ADPRHL1: variants seen among roughly 807,000 people sequenced by gnomAD.
ADPRHL1 encodes the protein inactive ADP-ribosyltransferase ARH2.
In ADPRHL1, 43 loss-of-function variants were observed where a neutral mutation model predicts 44.1. The observed-to-expected ratio is 0.98, with a 90% CI of 0.76 to 1.26. The LOEUF (loss-of-function observed/expected upper bound fraction) is 1.26, where lower values mean the gene tolerates loss of function less well. Among genes scored for constraint, ADPRHL1 ranks in the 50% most tolerant of loss-of-function variants. The probability of loss-of-function intolerance (pLI) is 0.00; values close to 1 mark genes in which losing one functional copy is unlikely to be tolerated. For synonymous variants in ADPRHL1, 878 were observed against 1,017.4 expected (o/e 0.86, Z 2.61); for missense variants, 2,022 against 2,496.9 (o/e 0.81, Z 4.05).
chr13:113,415,708 GCCACTTCACTCC>G (rs2043883728), intron 7 of ADPRHL1, among the ~76,000 whole-genome samples: 1 of 129,326 alleles, frequency 7.7e-6, no homozygotes, highest in Non-Finnish European at 1.6e-5. Flanking sequence ...CTGAGATCGT[GCCACTTCACTCC>G]AGCCTGGGTG....
In ADPRHL1 at chr13:113,405,254, G is replaced by T. The variant is rs1231671611; in HGVS notation, c.4028C>A (p.Pro1343His). 25 of 1,231,764 alleles carry T rather than the reference G, an allele frequency of 2.0e-5. No individual in the cohort carries two copies. Among genetic ancestry groups the T allele is most frequent in the Non-Finnish European group, 2.5e-5 (25 of 988,108 alleles). 76.3% of individuals were successfully genotyped at this position (1,231,764 alleles called of 1,614,324 possible). The change falls in exon 8 of 8, where the codon CCC (proline) becomes CAC (histidine). Residue 1343 changes from proline (P) to histidine (H), a missense_variant. Coordinates refer to ENST00000612156, the MANE Select transcript of ADPRHL1 (RefSeq NM_001394807.1). The stretch of plus-strand genomic sequence containing the variant: ...TGCCTGTGTGTCACCAGCAGTAGGG[G>T]GCAGGTGTGCCTGTAGATGGGGAGG... ...RGPPHLQAHL[P>H]PTAGDTQAKL...
At chr13:113,422,013 C>G (rs1194601026) in intron 7 of ADPRHL1, 1 of 152,240 alleles carries the variant, frequency 6.6e-6, no homozygotes, top group Non-Finnish European at 1.5e-5. Context: ...TTATTTTAAA[C>G]AAGAGCAAGT....
intron 6 of ADPRHL1, among the ~76,000 whole-genome samples, chr13:113,423,644 G>A (rs1021379453): frequency 6.6e-6 from 1 of 152,224 alleles, no homozygotes; most frequent in African/African-American, 2.4e-5. Context: ...ACGGGTAGGA[G>A]CTGCCTGGAG....
At chr13:113,430,890 C>T (rs902948528) in intron 3 of ADPRHL1, among the ~76,000 whole-genome samples, 6 of 152,198 alleles carry the variant, frequency 3.9e-5, no homozygotes, top group African/African-American at 4.8e-5. Flanking sequence ...CAGTGACCCC[C>T]GTTGCCGAGC....
rs138187367 is a variant in ADPRHL1, at chr13:113,424,462, C to A, written c.775-113G>T. 5 of 1,442,046 alleles carry A rather than the reference C, an allele frequency of 3.5e-6. No homozygotes were observed. In the African/African-American group the frequency reaches 4.2e-5, roughly 12 times the overall value. 89.3% of individuals were successfully genotyped at this position (1,442,046 alleles called of 1,614,324 possible). A position where few individuals can be genotyped will look rare whatever the true frequency, so the allele number is the denominator to read the frequency against. On this transcript the variant is annotated intron_variant, in intron 5 of 7. Transcript: ENST00000612156. ...GTGAACTGCCATTTCATCCATCCAC[C>A]CTTTTCTTTTTGAGATGAATCTGGC... is the stretch of plus-strand genomic sequence containing the variant.
chr13:113,433,699 G>C, intron 3 of ADPRHL1, 43 bp downstream of exon 3: 1 of 1,542,172 alleles, frequency 6.5e-7, no homozygotes, highest in Non-Finnish European at 8.7e-7. Flanking sequence ...TCATCCGGCC[G>C]CACTCCACGC....
At chr13:113,431,635 T>G (rs2044008191) in intron 3 of ADPRHL1, among the ~76,000 whole-genome samples, 1 of 152,242 alleles carries the variant, frequency 6.6e-6, no homozygotes, top group Admixed American at 6.5e-5. Context: ...CACTTTGAAG[T>G]GTCAATTTCA....
chr13:113,434,768 C>A (rs1277064880), intron 2 of ADPRHL1, among the ~76,000 whole-genome samples: 1 of 104,198 alleles, frequency 9.6e-6, no homozygotes, highest in Non-Finnish European at 2.0e-5. Context: ...GACCCAGCAC[C>A]CAGGCGTAGA....
chr13:113,444,802 T>G (rs1421158838), intron 1 of ADPRHL1, among the ~76,000 whole-genome samples: 1 of 152,236 alleles, frequency 6.6e-6, no homozygotes, highest in South Asian at 2.1e-4. Context: ...TTTTTGTATT[T>G]TTAGTAGAGA....
intron 3 of ADPRHL1, among the ~76,000 whole-genome samples, chr13:113,432,690 C>G (rs1366411591): frequency 6.6e-6 from 1 of 152,180 alleles, no homozygotes; most frequent in Non-Finnish European, 1.5e-5. Context: ...GGCAGAGCTG[C>G]GTGTTGATCG....
intron 6 of ADPRHL1, among the ~76,000 whole-genome samples, chr13:113,423,938 G>A (rs1164036121): frequency 2.0e-5 from 3 of 152,202 alleles, no homozygotes; most frequent in African/African-American, 7.2e-5. Flanking sequence ...CCAGGCTCGT[G>A]GACCAGGTGA....
chr13:113,424,853 T>G (rs55876204), intron 5 of ADPRHL1, among the ~76,000 whole-genome samples, 199 bp downstream of exon 5: 2 of 16,790 alleles, frequency 1.2e-4, no homozygotes. Flanking sequence ...TCCACCCATC[T>G]ATTCATCCAT....
At chr13:113,428,861 A>T in intron 4 of ADPRHL1, 91 bp downstream of exon 4, 1 of 1,570,116 alleles carries the variant, frequency 6.4e-7, no homozygotes, top group Non-Finnish European at 8.6e-7. Context: ...TCTAAGAGCG[A>T]AAGTGCCTTG....
Position 113,405,849 on chromosome 13 carries a change from C to G in ADPRHL1, c.3433G>C (p.Glu1145Gln). 4 of 1,231,932 alleles carry G rather than the reference C, an allele frequency of 3.2e-6. No individual in the cohort carries two copies. The highest frequency in any genetic ancestry group is 4.0e-6 in the Non-Finnish European group (4 of 988,048). 76.3% of individuals were successfully genotyped at this position (1,231,932 alleles called of 1,614,324 possible). ...CTGCTTCCCCACTGGCCCAGCGTCT[C>G]TGGCTCTCCCGCTGTGCGGTCTCCA... Reference protein sequence around the residue: ...SPGDRTAGEPETLGQWGSRAL... With the variant: ...SPGDRTAGEPQTLGQWGSRAL... The change falls in exon 8 of 8, where the codon GAG (glutamate) becomes CAG (glutamine). Residue 1145 changes from glutamate to glutamine, a missense_variant. Physicochemically the swap from Glu to Gln is conservative, Grantham distance 29. Around this residue, in one of 8 missense-constraint regions of ADPRHL1, gnomAD observed 1,221 missense variants for 1,517.8 expected, o/e 0.80. Coordinates refer to ENST00000612156, the MANE Select transcript of ADPRHL1 (RefSeq NM_001394807.1).
intron 1 of ADPRHL1, among the ~76,000 whole-genome samples, chr13:113,451,000 C>T (rs976111521): frequency 4.6e-5 from 7 of 150,558 alleles, no homozygotes; most frequent in African/African-American, 1.7e-4. Context: ...TGTTCCTTGC[C>T]ACCTTTTGCT....
At chr13:113,419,280 ATTTTTTTT>A (rs33995150) in intron 7 of ADPRHL1, among the ~76,000 whole-genome samples, 2 of 106,506 alleles carry the variant, frequency 1.9e-5, no homozygotes, top group Admixed American at 1.1e-4. Flanking sequence ...TAATTTTTGT[ATTTTTTTT>A]TTTTTTTTTG....
Position 113,405,407 on chromosome 13 carries a change from T to C in ADPRHL1, c.3875A>G (p.Glu1292Gly). 1 of 1,231,936 alleles carries C rather than the reference T, an allele frequency of 8.1e-7. No individual in the cohort carries two copies. Among genetic ancestry groups the C allele is most frequent in the Non-Finnish European group, 1.0e-6 (1 of 988,130 alleles). The allele number at this position is 1,231,936 out of a possible 1,614,324, so 76.3% of individuals were successfully genotyped here. Residue 1292 changes from glutamate (E) to glycine (G), a missense_variant, in exon 8 of 8, where the codon GAG (glutamate) becomes GGG (glycine). Transcript: ENST00000612156. ...YGPGLPPSPP[E>G]NPQAKGREGV... ...CTCCCTGCCCTTTGCCTGTGGGTTC[T>C]CAGGAGGCGACGGCGGGAGGCCAGG...
chr13:113,447,857 C>T (rs550454871), intron 1 of ADPRHL1, among the ~76,000 whole-genome samples: 2 of 152,118 alleles, frequency 1.3e-5, no homozygotes, highest in Non-Finnish European at 2.9e-5. Flanking sequence ...CAGTGTGTGC[C>T]CCTCACAGTC....
intron 3 of ADPRHL1, 106 bp from the exon 4 acceptor site, chr13:113,429,198 T>C (rs2043989861): frequency 7.0e-7 from 1 of 1,429,024 alleles, no homozygotes; most frequent in Non-Finnish European, 9.5e-7. Flanking sequence ...GTTTGCTCGT[T>C]TTCCGTCTTT....
Sources: gnomAD v4.1 joint callset for allele counts (sites outside exome capture counted in the v4.1 genomes callset) on GRCh38, gnomAD v4.1.1 for gene constraint, gnomAD v4.1.1 regional missense constraint, MANE v1.5 for transcripts, NCBI Gene and HGNC (gene_info 2026-07-23, HGNC 2026-07-21) for gene names.